SYNE1: variants seen among roughly 807,000 people sequenced by gnomAD.
SYNE1 encodes spectrin repeat containing nuclear envelope protein 1, also known as nesprin-1.
Under a neutral mutation model 1,111.0 loss-of-function variants are expected in SYNE1, and 616 were observed. The ratio of observed to expected loss-of-function variants is 0.55; its 90% confidence interval spans 0.52 to 0.59. The LOEUF (loss-of-function observed/expected upper bound fraction) is 0.59. Ranked by LOEUF, SYNE1 falls within the 20% of genes least tolerant of loss-of-function variation. SYNE1 has a pLI of 0.00. For synonymous variants in SYNE1, 3,855 were observed against 3,825.8 expected (o/e 1.01, Z -0.28); for missense variants, 10,006 against 10,417.0 (o/e 0.96, Z 1.72).
intron 126 of SYNE1, among the ~76,000 whole-genome samples, chr6:152,203,050 G>A (rs1195170856): frequency 6.6e-6 from 1 of 152,176 alleles, no homozygotes; most frequent in Non-Finnish European, 1.5e-5. Flanking sequence ...GAATGAGGTA[G>A]AGCTCTATGT....
chr6:152,234,908 T>C, intron 110 of SYNE1, 108 bp from the exon 111 acceptor site: 1 of 1,315,910 alleles, frequency 7.6e-7, no homozygotes, highest in Non-Finnish European at 1.1e-6. Flanking sequence ...GTCTGAAGAT[T>C]TAGAAGAAAA....
In SYNE1 at chr6:152,148,346, C is replaced by T. The variant is rs776389367; in HGVS notation, c.24675G>A (p.Arg8225=). ...LPDDEHDLSD[R]ELELEDSAAL... ...CTGCAGAGTCTTCCAGCTCCAGCTC[C>T]CTGTCTGAGAGGTCGTGCTCATCGT... The change falls in exon 137 of 146, where the codon AGG becomes AGA. Residue 8225 remains arginine, a synonymous_variant. Coordinates refer to ENST00000367255, the MANE Select transcript of SYNE1 (RefSeq NM_182961.4). The surrounding 1 kb of genome is among the most constrained non-coding windows in gnomAD (Gnocchi z 4.1). 6.2e-7 allele frequency: 1 copy of T among 1,614,140 alleles called. No homozygotes were observed. The highest frequency in any genetic ancestry group is 8.5e-7 in the Non-Finnish European group (1 of 1,180,036).
intron 108 of SYNE1, among the ~76,000 whole-genome samples, chr6:152,238,503 G>C (rs2084758536): frequency 6.6e-6 from 1 of 152,104 alleles, no homozygotes; most frequent in South Asian, 2.1e-4. Flanking sequence ...CCAAAATATA[G>C]GGAATTCCAC....
At chr6:152,354,102 T>C (rs1038748044) in intron 67 of SYNE1, among the ~76,000 whole-genome samples, 3 of 152,116 alleles carry the variant, frequency 2.0e-5, no homozygotes, top group Non-Finnish European at 4.4e-5. Context: ...ACCGCACCAC[T>C]GCACTCCAGC....
chr6:152,359,265 TCCAAACACTCC>T, intron 65 of SYNE1, 39 bp downstream of exon 65: 1 of 1,611,756 alleles, frequency 6.2e-7, no homozygotes, highest in Non-Finnish European at 8.5e-7. Context: ...GGAGCACAGC[TCCAAACACTCC>T]CCTTTTGGTG....
intron 3 of SYNE1, among the ~76,000 whole-genome samples, chr6:152,600,772 C>G (rs971350375): frequency 6.6e-6 from 1 of 152,080 alleles, no homozygotes; most frequent in Non-Finnish European, 1.5e-5. Flanking sequence ...AAGTTTTCCT[C>G]TAGATGGCTC....
At chr6:152,278,302 T>C (rs2153709639) in intron 97 of SYNE1, 22 bp from the exon 98 acceptor site, 2 of 1,613,374 alleles carry the variant, frequency 1.2e-6, no homozygotes, top group East Asian at 4.5e-5. Context: ...GAAATAAGAA[T>C]GAAACTCACA....
chr6:152,226,522 T>C lies in SYNE1; in HGVS notation c.21196-646A>G, dbSNP rs76414487. On this transcript the variant is annotated intron_variant, in intron 115 of 145. Transcript: ENST00000367255. ...AATCAAATCCTCATTTTATTTGGGATATGCATTCATAATTGTCAGTATAAA... is the reference window on the plus strand; with the variant it reads ...AATCAAATCCTCATTTTATTTGGGACATGCATTCATAATTGTCAGTATAAA... 2.8e-3 allele frequency among the ~76,000 whole-genome samples: 428 copies of C among 152,326 alleles called. 2 individuals carry two copies. The highest frequency in any genetic ancestry group is 9.9e-3 in the African/African-American group (412 of 41,568).
At chr6:152,408,626 C>G (rs2097945613) in intron 44 of SYNE1, among the ~76,000 whole-genome samples, 1 of 152,114 alleles carries the variant, frequency 6.6e-6, no homozygotes, top group Admixed American at 6.5e-5. Context: ...GGTTTTTCCT[C>G]AGACTCTCAT....
chr6:152,461,771 T>C (rs942096131), intron 20 of SYNE1, 31 bp from the exon 21 acceptor site: 14 of 1,613,550 alleles, frequency 8.7e-6, no homozygotes, highest in East Asian at 2.2e-5. Flanking sequence ...GCCAGATTCA[T>C]ACATGACACA....
chr6:152,540,917 AG>A (rs1245037152), intron 3 of SYNE1, among the ~76,000 whole-genome samples: 1 of 152,248 alleles, frequency 6.6e-6, no homozygotes. Context: ...ATTCTTCCAC[AG>A]TTGAGCATCC....
intron 144 of SYNE1, among the ~76,000 whole-genome samples, chr6:152,131,533 A>G (rs1335786620): frequency 6.6e-6 from 1 of 152,224 alleles, no homozygotes; most frequent in Non-Finnish European, 1.5e-5. Flanking sequence ...CATAGAGGGT[A>G]GCAGGGGCCG....
At position 152,362,157 on chromosome 6, in the gene SYNE1, AT is replaced by A; in HGVS notation, c.10299+12del. 6.2e-7 allele frequency: 1 copy of A among 1,614,188 alleles called. No individual in the cohort carries two copies. Among genetic ancestry groups the A allele is most frequent in the Non-Finnish European group, 8.5e-7 (1 of 1,180,030 alleles). On this transcript the variant is annotated intron_variant, in intron 64 of 145. Coordinates refer to ENST00000367255, the MANE Select transcript of SYNE1 (RefSeq NM_182961.4). ...TGTGAGAAAACACATGGAATCTGAA[AT>A]CCAGCTCTCACCTTGGCTTTTCCGA...
At chr6:152,566,480 G>A (rs2099413910) in intron 3 of SYNE1, among the ~76,000 whole-genome samples, 1 of 151,942 alleles carries the variant, frequency 6.6e-6, no homozygotes, top group Non-Finnish European at 1.5e-5. Context: ...GACACAGGAA[G>A]ATCCAAGAGC....
In SYNE1 at chr6:152,391,305, G is replaced by A; in HGVS notation, c.7976C>T (p.Thr2659Ile). The stretch of plus-strand genomic sequence containing the variant: ...TATTTGTGACAGCCGTTTCTCCAGG[G>A]TGTCTTTGCTCCCAAGAGTGCTCTC... The part of the protein sequence containing the change: ...CAESTLGSKD[T>I]LEKRLSQIQD... Residue 2659 changes from threonine (T) to isoleucine (I), a missense_variant, in exon 52 of 146, where the codon ACC becomes ATC. Thr to Ile is a moderately conservative substitution (Grantham distance 89, BLOSUM62 -1). Around this residue, in one of 7 missense-constraint regions of SYNE1, gnomAD observed 4,955 missense variants for 5,017.2 expected, o/e 0.99. Coordinates refer to ENST00000367255, the MANE Select transcript of SYNE1 (RefSeq NM_182961.4). The A allele has an allele frequency of 1.9e-6, 3 of 1,614,040 alleles. No homozygotes were observed. Among genetic ancestry groups the A allele is most frequent in the African/African-American group, 1.3e-5 (1 of 75,014 alleles).
At chr6:152,284,490 A>G (rs1398379134) in intron 95 of SYNE1, among the ~76,000 whole-genome samples, 2 of 151,548 alleles carry the variant, frequency 1.3e-5, no homozygotes, top group African/African-American at 4.9e-5. Context: ...ACAGAGTCTC[A>G]CTCTGTCACT....
intron 126 of SYNE1, among the ~76,000 whole-genome samples, chr6:152,202,346 C>CAAAA (rs35563822): frequency 4.4e-4 from 21 of 47,950 alleles, no homozygotes; most frequent in African/African-American, 9.8e-4. Context: ...GACTCTGTCT[C>CAAAA]AAAAAAAAAA....
At chr6:152,304,139 A>G (rs779621460) in intron 91 of SYNE1, among the ~76,000 whole-genome samples, 5 of 152,176 alleles carry the variant, frequency 3.3e-5, no homozygotes, top group Non-Finnish European at 7.3e-5. Context: ...ATTTTTAAAA[A>G]CAGTGATTGA....
intron 105 of SYNE1, among the ~76,000 whole-genome samples, chr6:152,246,025 G>A (rs956219902): frequency 1.3e-5 from 2 of 152,124 alleles, no homozygotes; most frequent in African/African-American, 4.8e-5. Context: ...GCTGCAGTCA[G>A]GGCTCTAGTC....
Sources: allele counts gnomAD v4.1 joint callset (sites outside exome capture counted in the v4.1 genomes callset), GRCh38; gene constraint gnomAD v4.1.1; regional missense constraint gnomAD v4.1.1; non-coding constraint Gnocchi (gnomAD v3.1); transcripts MANE v1.5; gene names NCBI Gene and HGNC (gene_info 2026-07-23, HGNC 2026-07-21).